PRIM2: variants seen among roughly 807,000 people sequenced by gnomAD.
PRIM2 encodes the protein DNA primase large subunit.
PRIM2 carries 39 observed loss-of-function variants against 67.3 expected under a neutral mutation model. That is an observed-to-expected ratio of 0.58 (90% CI 0.45 to 0.76). The LOEUF (loss-of-function observed/expected upper bound fraction) is 0.76, where lower values mean the gene tolerates loss of function less well. PRIM2 is among the 30% of genes least tolerant of loss of function. The pLI is 0.00. For missense variants in PRIM2, 398 were observed against 598.7 expected, an observed-to-expected ratio of 0.66 and a Z score of 3.50; for synonymous variants, 143 against 198.7, an observed-to-expected ratio of 0.72 and a Z score of 2.36.
intron 12 of PRIM2, among the ~76,000 whole-genome samples, chr6:57,608,577 T>C (rs1199440624): frequency 6.6e-6 from 1 of 151,800 alleles, no homozygotes; most frequent in African/African-American, 2.4e-5. Context: ...TACAAAAAAT[T>C]AGCAGGTGTG....
At chr6:57,403,032 C>T (rs1368639142) in intron 7 of PRIM2, among the ~76,000 whole-genome samples, 2 of 151,934 alleles carry the variant, frequency 1.3e-5, no homozygotes, top group Non-Finnish European at 2.9e-5. Context: ...ATTATATATA[C>T]ACACATAATT....
At chr6:57,597,612 A>G (rs1374272528) in intron 10 of PRIM2, among the ~76,000 whole-genome samples, 1 of 152,144 alleles carries the variant, frequency 6.6e-6, no homozygotes, top group Admixed American at 6.5e-5. Context: ...TACTGTCCCT[A>G]TAGATTAGGA....
intron 7 of PRIM2, among the ~76,000 whole-genome samples, chr6:57,460,442 A>G (rs1772965625): frequency 6.6e-6 from 1 of 152,156 alleles, no homozygotes; most frequent in Non-Finnish European, 1.5e-5. Context: ...AGAAGGCAGT[A>G]CTTCCGAAAA....
At chr6:57,439,791 C>G (rs1772143740) in intron 7 of PRIM2, among the ~76,000 whole-genome samples, 1 of 151,960 alleles carries the variant, frequency 6.6e-6, no homozygotes. Flanking sequence ...AAAGCACATG[C>G]CCAAATTTTA....
chr6:57,473,896 GT>G (rs1217792238), intron 7 of PRIM2, among the ~76,000 whole-genome samples: 16 of 150,494 alleles, frequency 1.1e-4, no homozygotes, highest in Admixed American at 2.7e-4. Context: ...CTGTTTGTTT[GT>G]TTTTTTTTCT....
At chr6:57,614,377 TG>T (rs1210266292) in intron 12 of PRIM2, among the ~76,000 whole-genome samples, 1 of 152,096 alleles carries the variant, frequency 6.6e-6, no homozygotes, top group African/African-American at 2.4e-5. Flanking sequence ...TGAACATCTT[TG>T]AAAAAATGGT....
At chr6:57,501,245 C>A (rs1203980586) in intron 7 of PRIM2, among the ~76,000 whole-genome samples, 1 of 152,068 alleles carries the variant, frequency 6.6e-6, no homozygotes, top group African/African-American at 2.4e-5. Context: ...GATATGACAT[C>A]CAGATTTTTC....
chr6:57,639,274 G>T (rs1777182035), intron 13 of PRIM2, among the ~76,000 whole-genome samples: 2 of 152,080 alleles, frequency 1.3e-5, no homozygotes, highest in Admixed American at 6.5e-5. Context: ...GAAATTTATA[G>T]CCCTAAATGC....
At chr6:57,489,627 T>G (rs1773842527) in intron 7 of PRIM2, among the ~76,000 whole-genome samples, 1 of 152,312 alleles carries the variant, frequency 6.6e-6, no homozygotes, top group Non-Finnish European at 1.5e-5. Flanking sequence ...TAATTCTATT[T>G]TCTAATATTT....
At chr6:57,376,364 G>C (rs1404173887) in intron 5 of PRIM2, among the ~76,000 whole-genome samples, 1 of 152,162 alleles carries the variant, frequency 6.6e-6, no homozygotes, top group African/African-American at 2.4e-5. Context: ...TGTCATTGAG[G>C]TTTCCATTAT....
At chr6:57,633,715 G>T (rs1413118593) in intron 13 of PRIM2, among the ~76,000 whole-genome samples, 1 of 152,094 alleles carries the variant, frequency 6.6e-6, no homozygotes, top group Non-Finnish European at 1.5e-5. Flanking sequence ...CGAGAAGCAC[G>T]CAACCTAGAT....
chr6:57,387,143 C>T (rs533357075), intron 7 of PRIM2, among the ~76,000 whole-genome samples: 96 of 152,258 alleles, frequency 6.3e-4, no homozygotes, highest in Middle Eastern at 6.8e-3. Context: ...ATTCTGCACA[C>T]GACCAAATTA....
the PRIM2 span, among the ~76,000 whole-genome samples, chr6:57,302,762 C>G: frequency 1.3e-5 from 2 of 152,158 alleles, no homozygotes; most frequent in African/African-American, 4.8e-5. Context: ...AGAACTCAGT[C>G]ATAAGAGTCC....
Position 57,533,938 on chromosome 6 carries a change from A to G in PRIM2, c.834+1455A>G, listed in dbSNP as rs1419416320. 2.0e-3 allele frequency among the ~76,000 whole-genome samples: 303 copies of G among 152,328 alleles called. 1 individual carries two copies. The highest frequency in any genetic ancestry group is 6.9e-3 in the African/African-American group (287 of 41,570). ...TAAGTGCTATGATGATGATCCTGTC[A>G]TGGGTCTGTGCCTGAGACCCCGTGG... On this transcript the variant is annotated intron_variant, in intron 9 of 13. Coordinates refer to ENST00000615550, the MANE Select transcript of PRIM2 (RefSeq NM_000947.5).
rs181687884 is a variant in PRIM2 at position 57,376,127 on chromosome 6, G to A, written c.460-3774G>A. Among the ~76,000 whole-genome samples the A allele has an allele frequency of 2.6e-5, 4 of 152,278 alleles. No homozygotes were observed. The East Asian group carries it at 5.8e-4, about 22-fold the overall frequency. ...GCCTGTAGTCCCAATTACTCAGAAA[G>A]TTCAATTACTCAGTGATCCGTGATC... On this transcript the variant is annotated intron_variant, in intron 5 of 13. Transcript: ENST00000615550.
chr6:57,222,615 G>A, the PRIM2 span, among the ~76,000 whole-genome samples: 1 of 152,188 alleles, frequency 6.6e-6, no homozygotes, highest in Admixed American at 6.5e-5. Context: ...GGCCAAGTGA[G>A]CAAAAAAATG....
At chr6:57,325,293 TTCTC>T (rs1228731867) in intron 4 of PRIM2, among the ~76,000 whole-genome samples, 1 of 140,110 alleles carries the variant, frequency 7.1e-6, no homozygotes, top group Non-Finnish European at 1.5e-5. Context: ...TTTTTCTCTT[TTCTC>T]TCTCTCTCTT....
intron 12 of PRIM2, among the ~76,000 whole-genome samples, chr6:57,617,711 T>C (rs1382325287): frequency 6.6e-6 from 1 of 152,170 alleles, no homozygotes; most frequent in Non-Finnish European, 1.5e-5. Flanking sequence ...GGTTTTCTTG[T>C]CAACAACTTC....
chr6:57,545,525 G>T (rs1775271774), intron 10 of PRIM2, among the ~76,000 whole-genome samples: 1 of 152,154 alleles, frequency 6.6e-6, no homozygotes, highest in Admixed American at 6.5e-5. Context: ...CCACCTCCTG[G>T]GTTCAAGCTA....
Sources: allele counts gnomAD v4.1 joint callset (sites outside exome capture counted in the v4.1 genomes callset), GRCh38; gene constraint gnomAD v4.1.1; transcripts MANE v1.5; gene names NCBI Gene and HGNC (gene_info 2026-07-23, HGNC 2026-07-21).